Variants in HEPH observed in about 807,000 individuals in gnomAD.
HEPH encodes hephaestin.
Under a neutral mutation model 80.8 loss-of-function variants are expected in HEPH, and 69 were observed. The observed-to-expected ratio is 0.85, with a 90% CI of 0.70 to 1.04. HEPH has a LOEUF of 1.04. HEPH is among the 50% of genes least tolerant of loss of function. The pLI is 0.00. For synonymous variants in HEPH, 431 were observed against 322.8 expected, an observed-to-expected ratio of 1.34 and a Z score of -3.60; for missense variants, 1,115 against 891.3, an observed-to-expected ratio of 1.25 and a Z score of -3.20.
In HEPH at chrX:66,258,910, C is replaced by T. The variant is rs150667090; in HGVS notation, c.2967C>T (p.Tyr989=). The T allele has an allele frequency of 1.9e-4, 218 of 1,175,953 alleles. 1 individual carries two copies. The African/African-American group carries it at 3.3e-3, about 18-fold the overall frequency. Residue 989 remains tyrosine, a synonymous_variant, in exon 18 of 21, where the codon TAC becomes TAT. Coordinates refer to ENST00000343002, the MANE Select transcript of HEPH (RefSeq NM_001367233.3). ...TMYQGERVAW[Y]MLAMGQDVDL... is the part of the protein sequence containing the mutation. ...ACCAAGGAGAACGAGTGGCCTGGTACATGCTGGCCATGGGCCAAGATGTGG... is the reference window on the plus strand; with the variant it reads ...ACCAAGGAGAACGAGTGGCCTGGTATATGCTGGCCATGGGCCAAGATGTGG...
chrX:66,177,334 T>C lies in HEPH; in HGVS notation c.625+3533T>C, dbSNP rs139754735. ...TCTTTGAATGTCTGGTAGGATTCCATGGTGAATCCATCTAGTCCTGACTTT... is the reference window on the plus strand; with the variant it reads ...TCTTTGAATGTCTGGTAGGATTCCACGGTGAATCCATCTAGTCCTGACTTT... On this transcript the variant is annotated intron_variant, in intron 4 of 20. Transcript: ENST00000343002. 5.6e-3 allele frequency among the ~76,000 whole-genome samples: 627 copies of C among 112,008 alleles called. 1 individual carries two copies. Among genetic ancestry groups the C allele is most frequent in the Non-Finnish European group, 8.3e-3 (443 of 53,130 alleles).
chrX:66,170,641 C>A lies in HEPH; in HGVS notation c.71C>A (p.Ala24Asp). The A allele has an allele frequency of 8.3e-7, 1 of 1,209,331 alleles. No homozygotes were observed. The highest frequency in any genetic ancestry group is 1.1e-6 in the Non-Finnish European group (1 of 893,679). The change falls in exon 2 of 21, where the codon GCC becomes GAC. Residue 24 changes from alanine (A) to aspartate (D), a missense_variant. Ala to Asp is a moderately radical substitution (Grantham distance 126). Transcript: ENST00000343002. Reference sequence around the variant, plus strand: ...TTGTGGCCTCAACTGACTGATGGAGCCACTCGAGTCTACTACCTGGGCATC... The same window carrying A: ...TTGTGGCCTCAACTGACTGATGGAGACACTCGAGTCTACTACCTGGGCATC... The part of the protein sequence containing the change: ...QSLWPQLTDG[A>D]TRVYYLGIRD...
chrX:66,227,027 A>T (rs754396430), intron 15 of HEPH, among the ~76,000 whole-genome samples: 148 of 112,026 alleles, frequency 1.3e-3, no homozygotes, highest in African/African-American at 4.6e-3. Flanking sequence ...TAGATGCAGA[A>T]ATCCTCTATG....
intron 15 of HEPH, among the ~76,000 whole-genome samples, chrX:66,233,220 C>T (rs1200427378): frequency 9.0e-6 from 1 of 111,664 alleles, no homozygotes; most frequent in East Asian, 2.8e-4. Flanking sequence ...GTATGATGAA[C>T]TAATTATTGA....
At chrX:66,204,982 T>G (rs192629993) in intron 13 of HEPH, among the ~76,000 whole-genome samples, 1 of 112,028 alleles carries the variant, frequency 8.9e-6, no homozygotes, top group South Asian at 3.7e-4. Context: ...GGGTATATTG[T>G]GCAATGCTAC....
intron 9 of HEPH, among the ~76,000 whole-genome samples, chrX:66,196,652 G>T (rs1431629708): frequency 8.9e-6 from 1 of 111,860 alleles, no homozygotes; most frequent in Non-Finnish European, 1.9e-5. Context: ...TCAGTTTAGA[G>T]TTCCATTAGC....
intron 19 of HEPH, 63 bp from the exon 20 acceptor site, chrX:66,263,581 G>C: frequency 8.9e-7 from 1 of 1,123,465 alleles, no homozygotes. Flanking sequence ...CTTTCATAGG[G>C]GGCCTATGGA....
chrX:66,197,760 C>T lies in HEPH; in HGVS notation c.1579C>T (p.Pro527Ser), dbSNP rs1434075983. The T allele has an allele frequency of 1.7e-6, 2 of 1,211,572 alleles. No homozygotes were observed. The highest frequency in any genetic ancestry group is 3.5e-5 in the African/African-American group (2 of 57,862). Residue 527 changes from proline (P) to serine (S), a missense_variant, in exon 10 of 21, where the codon CCC (proline) becomes TCC (serine). Physicochemically the swap from Pro to Ser is moderately conservative, Grantham distance 74. This residue lies in a region of HEPH where 716 missense variants were observed against 523.5 expected (regional missense o/e 1.37). Transcript: ENST00000343002. ...YRWTVPPHAG[P>S]TAQDPACLTW... Reference sequence around the variant, plus strand: ...CTGGACAGTCCCCCCTCATGCCGGTCCCACTGCTCAGGATCCTGCTTGTCT... The same window carrying T: ...CTGGACAGTCCCCCCTCATGCCGGTTCCACTGCTCAGGATCCTGCTTGTCT...
At chrX:66,231,815 T>C (rs1454725735) in intron 15 of HEPH, among the ~76,000 whole-genome samples, 1 of 106,959 alleles carries the variant, frequency 9.3e-6, no homozygotes, top group Non-Finnish European at 1.9e-5. Context: ...CAACACTATG[T>C]TGAATAGGAG....
At chrX:66,222,948 T>G (rs1190804758) in intron 15 of HEPH, among the ~76,000 whole-genome samples, 1 of 111,452 alleles carries the variant, frequency 9.0e-6, no homozygotes, top group African/African-American at 3.3e-5. Context: ...TTTTCTTAGC[T>G]TTAGTTTGGT....
chrX:66,186,805 C>T (rs914464791), intron 4 of HEPH, among the ~76,000 whole-genome samples: 1 of 112,196 alleles, frequency 8.9e-6, no homozygotes, highest in Admixed American at 9.4e-5. Flanking sequence ...CCCTATTGCT[C>T]CTCCAAATAT....
At position 66,208,110 on chromosome X, in the gene HEPH, A is replaced by T; in HGVS notation, c.2432-5A>T. On this transcript the variant is annotated splice_region_variant and splice_polypyrimidine_tract_variant and intron_variant, in intron 14 of 20. Coordinates refer to ENST00000343002, the MANE Select transcript of HEPH (RefSeq NM_001367233.3). Reference sequence around the variant, plus strand: ...TATTTATTTAATTATTTTTGTTTACATTAGGTCCACTTATCAAAGGTGAAG... The same window carrying T: ...TATTTATTTAATTATTTTTGTTTACTTTAGGTCCACTTATCAAAGGTGAAG... 8.5e-7 allele frequency: 1 copy of T among 1,170,766 alleles called. No homozygotes were observed.
chrX:66,265,161 A>G (rs1310810313), intron 20 of HEPH, among the ~76,000 whole-genome samples: 1 of 110,998 alleles, frequency 9.0e-6, no homozygotes, highest in Admixed American at 9.8e-5. Context: ...GTCTTCTCTC[A>G]GTTGTGTTAG....
At position 66,207,677 on chromosome X, in the gene HEPH, G is replaced by A. The variant is rs779297441; in HGVS notation, c.2431+343G>A. ...AAGGAATCAGTTTTTTCATTGTACC[G>A]CTGTTTAATTATTGCTTTAGGTGGT... On this transcript the variant is annotated intron_variant, in intron 14 of 20. Transcript: ENST00000343002. Among the ~76,000 whole-genome samples, 6 of 111,329 alleles carry A rather than the reference G, an allele frequency of 5.4e-5. No homozygotes were observed. The East Asian group carries it at 8.5e-4, about 16-fold the overall frequency.
intron 15 of HEPH, among the ~76,000 whole-genome samples, chrX:66,216,513 G>A (rs1000162506): frequency 7.1e-5 from 8 of 112,019 alleles, no homozygotes; most frequent in Non-Finnish European, 1.1e-4. Context: ...TCTCCCTAGG[G>A]AAAGGGGAGA....
intron 4 of HEPH, among the ~76,000 whole-genome samples, chrX:66,176,684 G>A (rs2086818395): frequency 9.0e-6 from 1 of 110,511 alleles, no homozygotes; most frequent in African/African-American, 3.3e-5. Context: ...GGTGTGTGAT[G>A]TTCCCATTCC....
At chrX:66,258,747 G>T (rs2091261860) in intron 17 of HEPH, 93 bp from the exon 18 acceptor site, 1 of 697,547 alleles carries the variant, frequency 1.4e-6, no homozygotes, top group East Asian at 3.9e-5. Context: ...CGGTAAAAAA[G>T]ATTAGGCCTA....
chrX:66,165,688 G>C (rs1249569224), intron 1 of HEPH, among the ~76,000 whole-genome samples: 1 of 111,595 alleles, frequency 9.0e-6, no homozygotes, highest in Non-Finnish European at 1.9e-5. Flanking sequence ...TATATTGGCT[G>C]ATCTTCTCTC....
intron 15 of HEPH, among the ~76,000 whole-genome samples, chrX:66,252,975 A>G (rs1309798554): frequency 8.9e-6 from 1 of 112,723 alleles, no homozygotes; most frequent in Non-Finnish European, 1.9e-5. Flanking sequence ...AAAGACCTAA[A>G]TATAAAAGCT....
Sources: allele counts gnomAD v4.1 joint callset (sites outside exome capture counted in the v4.1 genomes callset), GRCh38; gene constraint gnomAD v4.1.1; regional missense constraint gnomAD v4.1.1; transcripts MANE v1.5; gene names NCBI Gene and HGNC (gene_info 2026-07-23, HGNC 2026-07-21).